The following C10orf90 variants were observed in gnomAD, a reference collection of about 807,000 sequenced individuals.
C10orf90 encodes (E2-independent) E3 ubiquitin-conjugating enzyme FATS.
Under a neutral mutation model 62.5 loss-of-function variants are expected in C10orf90, and 56 were observed. That is an observed-to-expected ratio of 0.90 (90% CI 0.72 to 1.12). The LOEUF (loss-of-function observed/expected upper bound fraction) is 1.12, where lower values mean the gene tolerates loss of function less well. Ranked by LOEUF, C10orf90 falls within the 50% of genes most tolerant of loss-of-function variation. The probability of loss-of-function intolerance (pLI) is 0.00; values close to 1 mark genes in which losing one functional copy is unlikely to be tolerated. For missense variants in C10orf90, 970 were observed against 880.4 expected, an observed-to-expected ratio of 1.10 and a Z score of -1.29; for synonymous variants, 386 against 340.4, an observed-to-expected ratio of 1.13 and a Z score of -1.47.
chr10:126,545,570 A>C (rs922164531), intron 2 of C10orf90, among the ~76,000 whole-genome samples: 3 of 152,126 alleles, frequency 2.0e-5, no homozygotes, highest in Non-Finnish European at 4.4e-5. Context: ...TGCAGAATCT[A>C]GAGGTAGCAA....
chr10:126,466,353 A>C (rs113792322), intron 4 of C10orf90, among the ~76,000 whole-genome samples: 18,768 of 142,112 alleles, frequency 0.13, 1,202 homozygotes, highest in Non-Finnish European at 0.15. Flanking sequence ...CTCTACTAAA[A>C]ACACACACAC....
rs1057083133 is a variant in C10orf90 at position 126,617,324 on chromosome 10, A to G, written c.313+29241T>C. Reference sequence around the variant, plus strand: ...TTTTCTCCCCAGGAGGCCAATGAAAAGAAAGTTCTGCTTGCAGTTTTGGCA... The same window carrying G: ...TTTTCTCCCCAGGAGGCCAATGAAAGGAAAGTTCTGCTTGCAGTTTTGGCA... On this transcript the variant is annotated intron_variant, in intron 2 of 9. Transcript: ENST00000488181. Among the ~76,000 whole-genome samples, 50 of 152,318 alleles carry G rather than the reference A, an allele frequency of 3.3e-4. 1 individual carries two copies. The highest frequency in any genetic ancestry group is 7.1e-4 in the Non-Finnish European group (48 of 68,034).
chr10:126,432,731 T>TCCA (rs1857662482), intron 7 of C10orf90, among the ~76,000 whole-genome samples: 2 of 152,198 alleles, frequency 1.3e-5, no homozygotes, highest in Admixed American at 1.3e-4. Flanking sequence ...ACTTTGGTTC[T>TCCA]CCACCCAGGT....
chr10:126,562,045 G>A (rs1166125674), intron 2 of C10orf90, among the ~76,000 whole-genome samples: 2 of 152,162 alleles, frequency 1.3e-5, no homozygotes, highest in African/African-American at 2.4e-5. Context: ...CCGCCCTCCC[G>A]CTGAAGTGCT....
chr10:126,462,139 A>G (rs1022005311), intron 5 of C10orf90, among the ~76,000 whole-genome samples: 3 of 152,146 alleles, frequency 2.0e-5, no homozygotes, highest in African/African-American at 4.8e-5. Flanking sequence ...AGGTCAGGAA[A>G]TGAATGGATC....
intron 2 of C10orf90, among the ~76,000 whole-genome samples, chr10:126,610,463 T>C (rs953243380): frequency 6.6e-6 from 1 of 152,166 alleles, no homozygotes; most frequent in South Asian, 2.1e-4. Context: ...AACTACCTAA[T>C]TGGAGTGTGT....
chr10:126,458,065 G>A (rs1859698899), intron 7 of C10orf90, among the ~76,000 whole-genome samples: 1 of 152,096 alleles, frequency 6.6e-6, no homozygotes, highest in Non-Finnish European at 1.5e-5. Flanking sequence ...CACCAGCAGA[G>A]TTCTGGTGGA....
At chr10:126,484,261 C>A (rs1035364339) in intron 4 of C10orf90, among the ~76,000 whole-genome samples, 4 of 152,118 alleles carry the variant, frequency 2.6e-5, no homozygotes, top group Non-Finnish European at 5.9e-5. Flanking sequence ...GTCACAACTA[C>A]CGCAATTCTC....
intron 2 of C10orf90, among the ~76,000 whole-genome samples, chr10:126,628,268 T>G (rs1381230016): frequency 6.6e-6 from 1 of 152,184 alleles, no homozygotes; most frequent in East Asian, 1.9e-4. Flanking sequence ...TTTGCTATAG[T>G]GAATTTAAAA....
intron 4 of C10orf90, chr10:126,469,714 C>G (rs1860464769): frequency 2.7e-6 from 1 of 367,430 alleles, no homozygotes; most frequent in Non-Finnish European, 5.4e-6. Flanking sequence ...GCTCTCGGGT[C>G]TGCATTTTAT....
rs143309844 is a variant in C10orf90 at position 126,435,858 on chromosome 10, T to C, written c.2189-6008A>G. Among the ~76,000 whole-genome samples, 14 of 152,258 alleles carry C rather than the reference T, an allele frequency of 9.2e-5. No homozygotes were observed. In the East Asian group the frequency reaches 1.9e-3, roughly 21 times the overall value. ...GCCAACTCTCTCCCCAAGTGGCACA[T>C]GAACTCCTGGAAGACAGGAAAGTCT... is the stretch of plus-strand genomic sequence containing the variant. On this transcript the variant is annotated intron_variant, in intron 7 of 9. Coordinates refer to ENST00000488181, the MANE Select transcript of C10orf90 (RefSeq NM_001350921.2).
In C10orf90 at chr10:126,504,118, G is replaced by T; in HGVS notation, c.1373C>A (p.Pro458His). The T allele has an allele frequency of 6.2e-7, 1 of 1,614,120 alleles. No homozygotes were observed. Among genetic ancestry groups the T allele is most frequent in the Non-Finnish European group, 8.5e-7 (1 of 1,180,030 alleles). ...TTCCAATGGAAAAGAACCACTCCAAGGACAAGCGCCGGTCCCCAAATGCAC... is the reference window on the plus strand; with the variant it reads ...TTCCAATGGAAAAGAACCACTCCAATGACAAGCGCCGGTCCCCAAATGCAC... ...RRVHLGTGAC[P>H]WSGSFPLENT... is the part of the protein sequence containing the mutation. The change falls in exon 4 of 10, where the codon CCT (proline) becomes CAT (histidine). Residue 458 changes from proline to histidine, a missense_variant. Physicochemically the swap from Pro to His is moderately conservative, Grantham distance 77. Transcript: ENST00000488181. This position sits in a 1 kb window ranked among gnomAD's most constrained non-coding sequence, Gnocchi z 4.1.
intron 2 of C10orf90, among the ~76,000 whole-genome samples, chr10:126,625,866 G>A (rs527600102): frequency 1.3e-4 from 20 of 152,244 alleles, no homozygotes; most frequent in Middle Eastern, 3.4e-3. Context: ...TGTAATCCTA[G>A]CACTTTGGGA....
Position 126,604,858 on chromosome 10 carries a change from G to T in C10orf90, c.313+41707C>A, listed in dbSNP as rs74158845. Among the ~76,000 whole-genome samples, 503 of 152,278 alleles carry T rather than the reference G, an allele frequency of 3.3e-3. 2 individuals carry two copies. Among genetic ancestry groups the T allele is most frequent in the African/African-American group, 0.012 (491 of 41,554 alleles). The stretch of plus-strand genomic sequence containing the variant: ...CCATTTTCATAATAGGGCACAAGAG[G>T]TATATGCATATCCATTTTTCCATTA... On this transcript the variant is annotated intron_variant, in intron 2 of 9. Coordinates refer to ENST00000488181, the MANE Select transcript of C10orf90 (RefSeq NM_001350921.2).
intron 1 of C10orf90, among the ~76,000 whole-genome samples, chr10:126,651,706 C>T (rs572193998): frequency 2.0e-5 from 3 of 152,150 alleles, no homozygotes; most frequent in South Asian, 4.1e-4. Context: ...AGTGCCCTCC[C>T]CCACTAACTT....
intron 2 of C10orf90, among the ~76,000 whole-genome samples, chr10:126,572,436 C>G (rs565692803): frequency 6.6e-6 from 1 of 152,188 alleles, no homozygotes; most frequent in African/African-American, 2.4e-5. Flanking sequence ...CCAAGGGCTG[C>G]TGGTTGCTGA....
At chr10:126,532,052 G>A (rs529030257) in intron 2 of C10orf90, among the ~76,000 whole-genome samples, 1 of 152,290 alleles carries the variant, frequency 6.6e-6, no homozygotes, top group Non-Finnish European at 1.5e-5. Flanking sequence ...ATAAACTTAG[G>A]CAGTTGCCCC....
chr10:126,540,376 A>G (rs1320733132), intron 2 of C10orf90, among the ~76,000 whole-genome samples: 1 of 152,204 alleles, frequency 6.6e-6, no homozygotes, highest in Non-Finnish European at 1.5e-5. Context: ...GAATAACCAA[A>G]GGCTGGGTGC....
intron 7 of C10orf90, among the ~76,000 whole-genome samples, chr10:126,432,303 ACTC>A (rs1377933819): frequency 2.6e-5 from 4 of 151,856 alleles, no homozygotes; most frequent in Non-Finnish European, 5.9e-5. Context: ...CTGACCAAGA[ACTC>A]CTCCATTTCC....
Sources: allele counts gnomAD v4.1 joint callset (sites outside exome capture counted in the v4.1 genomes callset), GRCh38; gene constraint gnomAD v4.1.1; non-coding constraint Gnocchi (gnomAD v3.1); transcripts MANE v1.5; gene names NCBI Gene and HGNC (gene_info 2026-07-23, HGNC 2026-07-21).